The following AAGAB variants were observed in gnomAD, a reference collection of about 807,000 sequenced individuals.
AAGAB encodes the protein alpha- and gamma-adaptin-binding protein p34.
AAGAB carries 38 observed loss-of-function variants against 44.1 expected under a neutral mutation model. The observed-to-expected ratio is 0.86, with a 90% CI of 0.67 to 1.13. AAGAB has a LOEUF of 1.13. AAGAB is among the 50% of genes most tolerant of loss of function. AAGAB has a pLI of 0.00. For synonymous variants in AAGAB, 131 were observed against 131.8 expected, an observed-to-expected ratio of 0.99 and a Z score of 0.04; for missense variants, 450 against 373.8, an observed-to-expected ratio of 1.20 and a Z score of -1.68.
At chr15:67,215,703 T>G (rs1317775267) in intron 5 of AAGAB, among the ~76,000 whole-genome samples, 1 of 152,242 alleles carries the variant, frequency 6.6e-6, no homozygotes, top group Non-Finnish European at 1.5e-5. Context: ...CAAACCACAC[T>G]GTTTGAATAA....
Position 67,230,617 on chromosome 15 carries a change from C to T in AAGAB, c.535+1197G>A, listed in dbSNP as rs1964312708. Reference sequence around the variant, plus strand: ...ACCCTGATTTTGGACTTCTGGCTTTCAGAACTATGAGACAATGCATTCATG... The same window carrying T: ...ACCCTGATTTTGGACTTCTGGCTTTTAGAACTATGAGACAATGCATTCATG... On this transcript the variant is annotated intron_variant, in intron 5 of 9. Transcript: ENST00000261880. 1.3e-5 allele frequency among the ~76,000 whole-genome samples: 2 copies of T among 152,172 alleles called. 1 individual carries two copies. Among genetic ancestry groups the T allele is most frequent in the South Asian group, 4.1e-4 (2 of 4,830 alleles).
At chr15:67,235,330 C>A (rs1452174808) in intron 4 of AAGAB, among the ~76,000 whole-genome samples, 1 of 152,182 alleles carries the variant, frequency 6.6e-6, no homozygotes, top group Non-Finnish European at 1.5e-5. Context: ...AGTTTCATCT[C>A]TTGTACCAGA....
intron 5 of AAGAB, among the ~76,000 whole-genome samples, chr15:67,222,252 A>ACG (rs1964096098): frequency 7.2e-6 from 1 of 138,956 alleles, no homozygotes; most frequent in Non-Finnish European, 1.5e-5. Flanking sequence ...GCACACACAC[A>ACG]CACACACACA....
chr15:67,230,105 G>C (rs983366237), intron 5 of AAGAB, among the ~76,000 whole-genome samples: 4 of 151,948 alleles, frequency 2.6e-5, no homozygotes, highest in African/African-American at 9.7e-5. Flanking sequence ...GCCCACCTCA[G>C]GCTCCCAAAG....
At chr15:67,240,937 T>C (rs1286156587) in intron 1 of AAGAB, among the ~76,000 whole-genome samples, 5 of 152,100 alleles carry the variant, frequency 3.3e-5, no homozygotes, top group African/African-American at 1.2e-4. Context: ...GCTGGCTTTC[T>C]ATGGTTCAGA....
intron 9 of AAGAB, 94 bp downstream of exon 9, chr15:67,203,454 G>T: frequency 9.5e-7 from 1 of 1,056,414 alleles, no homozygotes; most frequent in Non-Finnish European, 1.4e-6. Context: ...CTCACACTAA[G>T]ACCCTTCAGA....
At chr15:67,204,023 A>G (rs764866327) in intron 8 of AAGAB, 21 bp downstream of exon 8, 2 of 1,424,576 alleles carry the variant, frequency 1.4e-6, no homozygotes, top group Non-Finnish European at 2.0e-6. Flanking sequence ...GGAACATATT[A>G]GACACAATGG....
rs193047049 is a variant in AAGAB at position 67,237,364 on chromosome 15, C to G, written c.74-544G>C. The stretch of plus-strand genomic sequence containing the variant: ...TGGATACTGATAAATGACCCCAATC[C>G]TATTTATATTCAGCCTTGTTCACAT... On this transcript the variant is annotated intron_variant, in intron 1 of 9. Transcript: ENST00000261880. Among the ~76,000 whole-genome samples the G allele has an allele frequency of 2.0e-3, 298 of 152,312 alleles. 1 individual carries two copies. The highest frequency in any genetic ancestry group is 6.6e-3 in the African/African-American group (274 of 41,572).
intron 1 of AAGAB, among the ~76,000 whole-genome samples, chr15:67,242,006 G>A (rs1964610821): frequency 6.6e-6 from 1 of 152,192 alleles, no homozygotes; most frequent in African/African-American, 2.4e-5. Context: ...AGGCAGCAGA[G>A]TCTGACGTCA....
chr15:67,209,735 C>T (rs1963769407), intron 5 of AAGAB, among the ~76,000 whole-genome samples, 191 bp from the exon 6 acceptor site: 1 of 152,194 alleles, frequency 6.6e-6, no homozygotes. Flanking sequence ...TCAGTGCAAC[C>T]TTGAAGTCCT....
intron 5 of AAGAB, among the ~76,000 whole-genome samples, chr15:67,228,325 C>G (rs968955282): frequency 1.3e-5 from 2 of 152,162 alleles, no homozygotes; most frequent in African/African-American, 2.4e-5. Context: ...ATTTTTATAG[C>G]CTTCCTATGG....
chr15:67,240,727 T>A (rs992973884), intron 1 of AAGAB, among the ~76,000 whole-genome samples: 1 of 152,206 alleles, frequency 6.6e-6, no homozygotes, highest in Non-Finnish European at 1.5e-5. Context: ...CTTTTCCCTA[T>A]AATCTCATAT....
Position 67,202,892 on chromosome 15 carries a change from T to C in AAGAB, c.877A>G (p.Lys293Glu), listed in dbSNP as rs1963599309. Residue 293 changes from lysine (K) to glutamate (E), a missense_variant, in exon 10 of 10, where the codon AAA (lysine) becomes GAA (glutamate). Physicochemically the swap from Lys to Glu is moderately conservative, Grantham distance 56 (BLOSUM62 1). Coordinates refer to ENST00000261880, the MANE Select transcript of AAGAB (RefSeq NM_024666.5). Reference protein sequence around the residue: ...QRKVHAEKVAKAFWMAIGGDR... With the variant: ...QRKVHAEKVAEAFWMAIGGDR... ...CCCCCGATTGCCATCCAGAATGCTT[T>C]GGCCACCTGTGGAGAGAAGCATGCA... The C allele has an allele frequency of 1.9e-6, 3 of 1,614,122 alleles. No individual in the cohort carries two copies. Among genetic ancestry groups the C allele is most frequent in the Non-Finnish European group, 8.5e-7 (1 of 1,179,950 alleles).
intron 5 of AAGAB, among the ~76,000 whole-genome samples, chr15:67,221,604 C>T (rs1345416154): frequency 6.6e-6 from 1 of 152,198 alleles, no homozygotes; most frequent in Admixed American, 6.5e-5. Context: ...AGCAATAGCA[C>T]TTAATAGTTA....
chr15:67,203,570 T>A lies in AAGAB; in HGVS notation c.848A>T (p.Gln283Leu). Residue 283 changes from glutamine (Q) to leucine (L), a missense_variant, in exon 9 of 10, where the codon CAA (glutamine) becomes CTA (leucine). Transcript: ENST00000261880. The part of the protein sequence containing the change: ...KDKAATLPHE[Q>L]RKVHAEKVAK... ...CACCTTTTCTGCATGCACTTTTCTTTGCTCATGAGGAAGCGTCGCAGCCTT... is the reference window on the plus strand; with the variant it reads ...CACCTTTTCTGCATGCACTTTTCTTAGCTCATGAGGAAGCGTCGCAGCCTT... The A allele has an allele frequency of 6.2e-7, 1 of 1,613,812 alleles. No individual in the cohort carries two copies. The highest frequency in any genetic ancestry group is 8.5e-7 in the Non-Finnish European group (1 of 1,179,860).
intron 5 of AAGAB, among the ~76,000 whole-genome samples, chr15:67,216,890 T>C (rs1479296480): frequency 6.6e-6 from 1 of 152,224 alleles, no homozygotes; most frequent in East Asian, 1.9e-4. Context: ...CCAGGGTAAC[T>C]AATTTGAAGA....
intron 7 of AAGAB, among the ~76,000 whole-genome samples, chr15:67,205,488 A>C (rs939327996): frequency 2.0e-5 from 3 of 152,238 alleles, no homozygotes; most frequent in Admixed American, 6.5e-5. Context: ...TGCAGCAATG[A>C]AGAATGACAA....
chr15:67,237,955 T>A (rs188922159), intron 1 of AAGAB, among the ~76,000 whole-genome samples: 1 of 152,184 alleles, frequency 6.6e-6, no homozygotes, highest in South Asian at 2.1e-4. Flanking sequence ...CATAAAGTTA[T>A]GGGGAAATTA....
At chr15:67,222,242 G>GTGCACACA (rs1555417888) in intron 5 of AAGAB, among the ~76,000 whole-genome samples, 1 of 90,044 alleles carries the variant, frequency 1.1e-5, no homozygotes, top group Non-Finnish European at 2.3e-5. Flanking sequence ...GCGCGCGCGC[G>GTGCACACA]CACACACACA....
Sources: allele counts gnomAD v4.1 joint callset (sites outside exome capture counted in the v4.1 genomes callset), GRCh38; gene constraint gnomAD v4.1.1; transcripts MANE v1.5; gene names NCBI Gene and HGNC (gene_info 2026-07-23, HGNC 2026-07-21).